The following BPTF variants were observed in gnomAD, a reference collection of about 807,000 sequenced individuals.
The protein encoded by BPTF is nucleosome-remodeling factor subunit BPTF.
Under a neutral mutation model 292.5 loss-of-function variants are expected in BPTF, and 18 were observed. The observed-to-expected ratio is 0.06, with a 90% confidence interval of 0.04 to 0.09. BPTF has a LOEUF of 0.09. BPTF is among the 10% of genes least tolerant of loss of function. The probability of loss-of-function intolerance (pLI) is 1.00; values close to 1 mark genes in which losing one functional copy is unlikely to be tolerated. For missense variants in BPTF, 2,726 were observed against 3,498.7 expected, an observed-to-expected ratio of 0.78 and a Z score of 5.57; for synonymous variants, 1,225 against 1,251.9, an observed-to-expected ratio of 0.98 and a Z score of 0.45.
rs1436451022 is a variant in BPTF, at chr17:67,929,505, C to G, written c.6150+18C>G. Reference sequence around the variant, plus strand: ...ATTCACAAGTAAGAATTCTTACAGACTTATTTGGTTTGATGTGTTGAGCAC... The same window carrying G: ...ATTCACAAGTAAGAATTCTTACAGAGTTATTTGGTTTGATGTGTTGAGCAC... On this transcript the variant is annotated intron_variant, in intron 17 of 27. Coordinates refer to ENST00000306378, the MANE Select transcript of BPTF (RefSeq NM_182641.4). 3 of 1,612,388 alleles carry G rather than the reference C, an allele frequency of 1.9e-6. No individual in the cohort carries two copies. In the African/African-American group the frequency reaches 4.0e-5, roughly 22 times the overall value.
At chr17:67,831,511 C>T (rs1459731057) in intron 1 of BPTF, among the ~76,000 whole-genome samples, 4 of 152,112 alleles carry the variant, frequency 2.6e-5, no homozygotes, top group Non-Finnish European at 5.9e-5. Context: ...CACCCACGGG[C>T]GTGTTTGGAA....
At chr17:67,855,604 G>A (rs1339607807) in intron 2 of BPTF, among the ~76,000 whole-genome samples, 2 of 152,152 alleles carry the variant, frequency 1.3e-5, no homozygotes, top group African/African-American at 2.4e-5. Context: ...AGCTCTTCTG[G>A]GAAGCCTGTG....
chr17:67,917,131 C>CTTTTCCTTTCTTTTTTTTTTTTTTTTTTT (rs1194058584), intron 11 of BPTF, among the ~76,000 whole-genome samples: 5 of 105,808 alleles, frequency 4.7e-5, no homozygotes, highest in African/African-American at 1.8e-4. Flanking sequence ...TGGTATTGTC[C>CTTTTCCTTTCTTTTTTTTTTTTTTTTTTT]TTTTTTTTTT....
chr17:67,878,572 C>G (rs2060188166), intron 4 of BPTF, among the ~76,000 whole-genome samples: 1 of 151,934 alleles, frequency 6.6e-6, no homozygotes, highest in African/African-American at 2.4e-5. Context: ...CACTCTTTGT[C>G]TTTTTGGAGG....
intron 1 of BPTF, among the ~76,000 whole-genome samples, chr17:67,841,534 G>A (rs534093358): frequency 6.6e-6 from 1 of 151,672 alleles, no homozygotes; most frequent in East Asian, 1.9e-4. Context: ...CTACCCTTTT[G>A]CTTTTAATTT....
intron 4 of BPTF, among the ~76,000 whole-genome samples, chr17:67,882,032 G>A (rs561841926): frequency 1.9e-4 from 29 of 149,534 alleles, no homozygotes; most frequent in African/African-American, 5.9e-4. Context: ...ACAGGATTTC[G>A]CCATGTTGGC....
chr17:67,903,725 G>C, intron 7 of BPTF, 64 bp from the exon 8 acceptor site: 1 of 1,412,888 alleles, frequency 7.1e-7, no homozygotes, highest in Non-Finnish European at 9.3e-7. Context: ...TTTCAGTATT[G>C]CATTTTTATC....
chr17:67,893,513 A>G lies in BPTF; in HGVS notation c.2199A>G (p.Ser733=). 6.2e-7 allele frequency: 1 copy of G among 1,614,194 alleles called. No individual in the cohort carries two copies. The highest frequency in any genetic ancestry group is 8.5e-7 in the Non-Finnish European group (1 of 1,180,022). Residue 733 remains serine, a synonymous_variant, in exon 6 of 28, where the codon TCA becomes TCG. Transcript: ENST00000306378. ...RVYHNQYSTN[S]FALNKHQHRE... ...ACCACAATCAATACTCCACCAATTC[A>G]TTTGCTTTGAATAAGCACCAGCACA...
At position 67,839,129 on chromosome 17, in the gene BPTF, T is replaced by TA. The variant is rs543954995; in HGVS notation, c.613+12802dup. Among the ~76,000 whole-genome samples, 128 of 144,418 alleles carry TA rather than the reference T, an allele frequency of 8.9e-4. 2 individuals carry two copies. Among genetic ancestry groups the TA allele is most frequent in the African/African-American group, 2.4e-3 (93 of 39,200 alleles). 94.7% of individuals were successfully genotyped at this position (144,418 alleles called of 152,430 possible). On this transcript the variant is annotated intron_variant, in intron 1 of 27. Transcript: ENST00000306378. ...CTACCATTGATGGGAACCTGGGTAA[T>TA]AAAAAAAAAAGAAAAAAAAGAAACA...
intron 1 of BPTF, among the ~76,000 whole-genome samples, chr17:67,839,750 T>C (rs2057407572): frequency 6.6e-6 from 1 of 152,238 alleles, no homozygotes; most frequent in Non-Finnish European, 1.5e-5. Context: ...AAAGTTGTCC[T>C]AAACGTTTCC....
intron 3 of BPTF, among the ~76,000 whole-genome samples, chr17:67,873,900 G>C (rs896060849): frequency 6.6e-6 from 1 of 152,126 alleles, no homozygotes; most frequent in East Asian, 1.9e-4. Context: ...AAGAACAAAG[G>C]CTCCTTGGAG....
Position 67,945,927 on chromosome 17 carries a change from G to A in BPTF, c.7219G>A (p.Gly2407Arg). ...GTCTTCAACTCAAACTCTTTCATCAGGACAAACTTTAAATCAAGTTACTGT... is the reference window on the plus strand; with the variant it reads ...GTCTTCAACTCAAACTCTTTCATCAAGACAAACTTTAAATCAAGTTACTGT... ...VQSSTQTLSS[G>R]QTLNQVTVSS... The change falls in exon 21 of 28, where the codon GGA (glycine) becomes AGA (arginine). Residue 2407 changes from glycine (G) to arginine (R), a missense_variant. Around this residue, in one of 22 missense-constraint regions of BPTF, gnomAD observed 570 missense variants for 633.5 expected, o/e 0.90. Coordinates refer to ENST00000306378, the MANE Select transcript of BPTF (RefSeq NM_182641.4). 6.2e-7 allele frequency: 1 copy of A among 1,614,094 alleles called. No homozygotes were observed. Among genetic ancestry groups the A allele is most frequent in the Non-Finnish European group, 8.5e-7 (1 of 1,180,022 alleles).
At chr17:67,917,014 G>A (rs569575179) in intron 11 of BPTF, among the ~76,000 whole-genome samples, 4 of 151,458 alleles carry the variant, frequency 2.6e-5, no homozygotes, top group African/African-American at 9.7e-5. Context: ...TTTGAAATAC[G>A]TTTTTAGTAT....
chr17:67,861,540 T>C (rs1315758652), intron 2 of BPTF, among the ~76,000 whole-genome samples: 1 of 152,030 alleles, frequency 6.6e-6, no homozygotes, highest in Non-Finnish European at 1.5e-5. Flanking sequence ...GATATTGAAC[T>C]CCTGACCTCA....
intron 23 of BPTF, among the ~76,000 whole-genome samples, chr17:67,949,597 A>G (rs1241705564): frequency 3.3e-5 from 5 of 151,676 alleles, no homozygotes; most frequent in South Asian, 2.1e-4. Context: ...GTAGACATCT[A>G]TTTATACATA....
intron 1 of BPTF, among the ~76,000 whole-genome samples, chr17:67,843,043 T>G (rs1340981241): frequency 6.6e-6 from 1 of 151,288 alleles, no homozygotes; most frequent in Non-Finnish European, 1.5e-5. Flanking sequence ...AAAGCAAAAG[T>G]TATAACACTG....
chr17:67,959,603 C>G lies in BPTF; in HGVS notation c.7989C>G (p.Ala2663=). Residue 2663 remains alanine, a synonymous_variant, in exon 24 of 28, where the codon GCC becomes GCG. Transcript: ENST00000306378. ...KEKDLMQLAQ[A]TAVAAPCPPV... ...AAGACCTGATGCAGTTGGCTCAGGC[C>G]ACAGCAGTAGCTGCACCCTGCCCCC... is the stretch of plus-strand genomic sequence containing the variant. The G allele has an allele frequency of 1.3e-6, 2 of 1,573,294 alleles. No homozygotes were observed. The highest frequency in any genetic ancestry group is 2.4e-5 in the South Asian group (2 of 83,624).
At chr17:67,922,227 TTC>T (rs1405929845) in intron 13 of BPTF, among the ~76,000 whole-genome samples, 4 of 152,332 alleles carry the variant, frequency 2.6e-5, no homozygotes, top group Admixed American at 2.6e-4. Context: ...CTGCTTTCAT[TTC>T]TGTTTCCTTC....
intron 2 of BPTF, among the ~76,000 whole-genome samples, chr17:67,862,311 A>G (rs755059684): frequency 2.0e-5 from 3 of 152,324 alleles, no homozygotes; most frequent in Non-Finnish European, 2.9e-5. Context: ...TATACACTTC[A>G]TAAGGTGAGG....
Sources: allele counts gnomAD v4.1 joint callset (sites outside exome capture counted in the v4.1 genomes callset), GRCh38; gene constraint gnomAD v4.1.1; regional missense constraint gnomAD v4.1.1; transcripts MANE v1.5; gene names NCBI Gene and HGNC (gene_info 2026-07-23, HGNC 2026-07-21).